PARD3B: variants seen among roughly 807,000 people sequenced by gnomAD.
PARD3B encodes the protein partitioning defective 3 homolog B.
PARD3B carries 103 observed loss-of-function variants against 130.2 expected under a neutral mutation model. The observed-to-expected ratio is 0.79, with a 90% confidence interval of 0.67 to 0.93. The LOEUF is 0.93. Among genes scored for constraint, PARD3B ranks in the 40% least tolerant of loss-of-function variants. PARD3B has a pLI of 0.00. For synonymous variants in PARD3B, 583 were observed against 553.2 expected (o/e 1.05, Z -0.76); for missense variants, 1,609 against 1,499.2 (o/e 1.07, Z -1.21).
chr2:205,275,837 CAAAAA>C (rs59238795), intron 16 of PARD3B, among the ~76,000 whole-genome samples: 1 of 60,652 alleles, frequency 1.6e-5, no homozygotes, highest in African/African-American at 6.2e-5. Context: ...AACTTTGTCT[CAAAAA>C]AAAAAAAAAA....
chr2:205,393,909 A>G (rs2045940269), intron 18 of PARD3B, among the ~76,000 whole-genome samples: 1 of 152,226 alleles, frequency 6.6e-6, no homozygotes, highest in Non-Finnish European at 1.5e-5. Context: ...AGAAAACCCA[A>G]GGAAAGAAAT....
chr2:205,619,079 G>A lies in PARD3B; in HGVS notation c.*3266G>A, dbSNP rs1575501082. The A allele has an allele frequency of 1.3e-5, 2 of 152,252 alleles. No homozygotes were observed. The highest frequency in any genetic ancestry group is 2.1e-4 in the South Asian group (1 of 4,812). The allele number at this position is 152,252 out of a possible 1,614,324, so 9.4% of individuals were successfully genotyped here. On this transcript the variant is annotated 3_prime_UTR_variant, in exon 23 of 23. Coordinates refer to ENST00000406610, the MANE Select transcript of PARD3B (RefSeq NM_001302769.2). ...TGGATCCTGATGGGGAAGAACAGAG[G>A]CTTCACTGTAGCTATAGTTTTCCAC...
Position 204,831,769 on chromosome 2 carries a change from A to G in PARD3B, c.223-133383A>G, listed in dbSNP as rs187659279. Among the ~76,000 whole-genome samples, 493 of 152,302 alleles carry G rather than the reference A, an allele frequency of 3.2e-3. 1 individual carries two copies. The highest frequency in any genetic ancestry group is 5.9e-3 in the Non-Finnish European group (398 of 68,016). ...GGATATTCCTATTTGAAAGGGGACT[A>G]TTGCAAACAACAGGAATGTATGAGT... On this transcript the variant is annotated intron_variant, in intron 2 of 22. Coordinates refer to ENST00000406610, the MANE Select transcript of PARD3B (RefSeq NM_001302769.2).
At chr2:204,636,453 AGTGTGTGTGT>A (rs10596741) in intron 1 of PARD3B, among the ~76,000 whole-genome samples, 32 of 139,484 alleles carry the variant, frequency 2.3e-4, no homozygotes, top group African/African-American at 7.2e-4. Flanking sequence ...AGGTCAGGTG[AGTGTGTGTGT>A]GTGTGTGTGT....
intron 10 of PARD3B, among the ~76,000 whole-genome samples, chr2:205,153,442 A>G (rs1454382259): frequency 1.3e-5 from 2 of 152,214 alleles, no homozygotes; most frequent in Admixed American, 6.5e-5. Context: ...GATAGGAAGA[A>G]TCAATATCAT....
intron 3 of PARD3B, among the ~76,000 whole-genome samples, chr2:205,014,450 A>G (rs1051928854): frequency 3.3e-5 from 5 of 152,216 alleles, no homozygotes; most frequent in Non-Finnish European, 5.9e-5. Context: ...GGTGATATCT[A>G]ATTCACAACT....
At position 204,887,464 on chromosome 2, in the gene PARD3B, T is replaced by C. The variant is rs896819441; in HGVS notation, c.223-77688T>C. Reference sequence around the variant, plus strand: ...CCAGTCACTTTCGAGATAGCCTGTCTGCATGTTGGCTAGTTGTAGCAAGTT... The same window carrying C: ...CCAGTCACTTTCGAGATAGCCTGTCCGCATGTTGGCTAGTTGTAGCAAGTT... On this transcript the variant is annotated intron_variant, in intron 2 of 22. Coordinates refer to ENST00000406610, the MANE Select transcript of PARD3B (RefSeq NM_001302769.2). The surrounding 1 kb of genome is among the most constrained non-coding windows in gnomAD (Gnocchi z 4.2). Among the ~76,000 whole-genome samples, 3 of 152,186 alleles carry C rather than the reference T, an allele frequency of 2.0e-5. No homozygotes were observed. Among genetic ancestry groups the C allele is most frequent in the Admixed American group, 6.5e-5 (1 of 15,278 alleles).
chr2:205,466,227 A>G (rs561781694), intron 20 of PARD3B, among the ~76,000 whole-genome samples: 77 of 152,218 alleles, frequency 5.1e-4, no homozygotes, highest in Non-Finnish European at 9.1e-4. Context: ...TTTAAAAACC[A>G]TTTTAAATAA....
At chr2:205,477,096 C>A (rs2049049053) in intron 20 of PARD3B, among the ~76,000 whole-genome samples, 1 of 152,196 alleles carries the variant, frequency 6.6e-6, no homozygotes, top group African/African-American at 2.4e-5. Flanking sequence ...GGGGTTTCAA[C>A]CCTGAACATG....
intron 19 of PARD3B, among the ~76,000 whole-genome samples, chr2:205,436,992 CA>C (rs1007220791): frequency 2.6e-5 from 4 of 152,096 alleles, no homozygotes; most frequent in African/African-American, 9.6e-5. Context: ...GCTGGATCCC[CA>C]CAAAGAATTA....
intron 2 of PARD3B, among the ~76,000 whole-genome samples, chr2:204,919,166 C>G (rs535894548): frequency 6.6e-6 from 1 of 152,108 alleles, no homozygotes; most frequent in Non-Finnish European, 1.5e-5. Context: ...TATGCATTTC[C>G]AAGTAATTGC....
At chr2:204,963,686 C>T (rs1006367562) in intron 2 of PARD3B, among the ~76,000 whole-genome samples, 5 of 152,172 alleles carry the variant, frequency 3.3e-5, no homozygotes, top group East Asian at 3.9e-4. Context: ...AGAAAGATAT[C>T]GTTCTACTGA....
chr2:205,252,991 G>A (rs181547232), intron 16 of PARD3B, among the ~76,000 whole-genome samples: 1 of 152,046 alleles, frequency 6.6e-6, no homozygotes, highest in African/African-American at 2.4e-5. Flanking sequence ...TTTTTTTTAA[G>A]TTAAACTTAA....
chr2:204,614,563 C>T (rs1332636419), intron 1 of PARD3B, among the ~76,000 whole-genome samples: 1 of 152,158 alleles, frequency 6.6e-6, no homozygotes, highest in Admixed American at 6.6e-5. Context: ...TTCATGTTAA[C>T]ACAGTGATAT....
Position 205,421,394 on chromosome 2 carries a change from G to A in PARD3B, c.2742-18976G>A, listed in dbSNP as rs957995873. ...GTTTAACATTTAGAGCCATTTATGT[G>A]GGTTTCCTCTCCTGTGTTCCACTGT... On this transcript the variant is annotated intron_variant, in intron 19 of 22. Transcript: ENST00000406610. This position sits in a 1 kb window ranked among gnomAD's most constrained non-coding sequence, Gnocchi z 5.1. Among the ~76,000 whole-genome samples, 13 of 152,192 alleles carry A rather than the reference G, an allele frequency of 8.5e-5. No homozygotes were observed. The highest frequency in any genetic ancestry group is 3.1e-4 in the African/African-American group (13 of 41,524).
rs186901316 is a variant in PARD3B at position 205,004,071 on chromosome 2, A to G, written c.394+38748A>G. 4.0e-4 allele frequency among the ~76,000 whole-genome samples: 61 copies of G among 152,314 alleles called. 1 individual carries two copies. Among genetic ancestry groups the G allele is most frequent in the Admixed American group, 3.7e-3 (56 of 15,294 alleles). On this transcript the variant is annotated intron_variant, in intron 3 of 22. Coordinates refer to ENST00000406610, the MANE Select transcript of PARD3B (RefSeq NM_001302769.2). ...AAGGAGAGTTTGAGGCAGTTTCATA[A>G]TCAGTGTAATTCAGGATCCAGGCTA...
At position 205,300,601 on chromosome 2, in the gene PARD3B, G is replaced by A. The variant is rs763421535; in HGVS notation, c.2257G>A (p.Ala753Thr). The A allele has an allele frequency of 5.0e-6, 8 of 1,613,860 alleles. No homozygotes were observed. Among genetic ancestry groups the A allele is most frequent in the Admixed American group, 1.7e-5 (1 of 60,010 alleles). Reference sequence around the variant, plus strand: ...CAGCTCCTTGGAGAGTCTGCAGACTGCAGTGGCCGAGGTCAGGAAGAATGA... The same window carrying A: ...CAGCTCCTTGGAGAGTCTGCAGACTACAGTGGCCGAGGTCAGGAAGAATGA... ...KSSSLESLQT[A>T]VAEVRKNDLP... Residue 753 changes from alanine (A) to threonine (T), a missense_variant, in exon 17 of 23, where the codon GCA (alanine) becomes ACA (threonine). Transcript: ENST00000406610. This position sits in a 1 kb window ranked among gnomAD's most constrained non-coding sequence, Gnocchi z 4.1.
chr2:205,441,492 C>T lies in PARD3B; in HGVS notation c.3044+820C>T, dbSNP rs556508444. ...ACTGATCTTGGACTAATCTGACTAGCTTGACGTCTGGAGGGAGGTGGTGGG... is the reference window on the plus strand; with the variant it reads ...ACTGATCTTGGACTAATCTGACTAGTTTGACGTCTGGAGGGAGGTGGTGGG... On this transcript the variant is annotated intron_variant, in intron 20 of 22. Coordinates refer to ENST00000406610, the MANE Select transcript of PARD3B (RefSeq NM_001302769.2). 1.1e-3 allele frequency among the ~76,000 whole-genome samples: 174 copies of T among 152,288 alleles called. 1 individual carries two copies. The highest frequency in any genetic ancestry group is 3.7e-3 in the African/African-American group (152 of 41,568).
chr2:205,608,664 C>T (rs573146211), intron 22 of PARD3B, among the ~76,000 whole-genome samples: 1 of 152,210 alleles, frequency 6.6e-6, no homozygotes, highest in East Asian at 1.9e-4. Context: ...TTTTTAGGAC[C>T]ATCTGATAGG....
Sources: gnomAD v4.1 joint callset for allele counts (sites outside exome capture counted in the v4.1 genomes callset) on GRCh38, gnomAD v4.1.1 for gene constraint, Gnocchi (gnomAD v3.1) non-coding constraint, MANE v1.5 for transcripts, NCBI Gene and HGNC (gene_info 2026-07-23, HGNC 2026-07-21) for gene names.